The following MARCHF6 variants were observed in gnomAD, a reference collection of about 807,000 sequenced individuals.
The protein encoded by MARCHF6 is E3 ubiquitin-protein ligase MARCHF6.
MARCHF6 carries 31 observed loss-of-function variants against 133.7 expected under a neutral mutation model. That is an observed-to-expected ratio of 0.23 (90% CI 0.17 to 0.31). MARCHF6 has a LOEUF of 0.31. Among genes scored for constraint, MARCHF6 ranks in the 10% least tolerant of loss-of-function variants. The pLI, the probability that MARCHF6 is intolerant of heterozygous loss-of-function variation, is 1.00. For missense variants in MARCHF6, 723 were observed against 1,121.6 expected, an observed-to-expected ratio of 0.64 and a Z score of 5.08; for synonymous variants, 395 against 402.5, an observed-to-expected ratio of 0.98 and a Z score of 0.22.
intron 21 of MARCHF6, among the ~76,000 whole-genome samples, chr5:10,416,235 A>G (rs1019425007): frequency 3.9e-5 from 6 of 152,212 alleles, no homozygotes; most frequent in East Asian, 1.9e-4. Context: ...TTATGTCTGT[A>G]TGTGTGTAAT....
intron 5 of MARCHF6, 126 bp from the exon 6 acceptor site, chr5:10,390,206 A>T (rs774867965): frequency 4.1e-6 from 3 of 737,458 alleles, no homozygotes; most frequent in African/African-American, 1.8e-5. Context: ...CATCCAAAAA[A>T]TTATGATTTA....
chr5:10,397,446 A>C, intron 10 of MARCHF6, 102 bp downstream of exon 10: 1 of 856,904 alleles, frequency 1.2e-6, no homozygotes, highest in Admixed American at 2.7e-5. Flanking sequence ...ACATAGAAAT[A>C]AATACTAAGC....
Position 10,409,095 on chromosome 5 carries a change from A to G in MARCHF6, c.1554-1044A>G, listed in dbSNP as rs540678074. On this transcript the variant is annotated intron_variant, in intron 17 of 25. Transcript: ENST00000274140. The stretch of plus-strand genomic sequence containing the variant: ...TTTGGTCGCCCAAAGTGCTGGGATT[A>G]TAGGTGTGAGCCACTGCGCCCAGCC... 7.0e-3 allele frequency among the ~76,000 whole-genome samples: 1,059 copies of G among 152,272 alleles called. 13 individuals carry two copies. Among genetic ancestry groups the G allele is most frequent in the Non-Finnish European group, 7.3e-3 (500 of 68,032 alleles).
intron 3 of MARCHF6, among the ~76,000 whole-genome samples, chr5:10,381,551 A>G (rs912637403): frequency 6.6e-6 from 1 of 152,186 alleles, no homozygotes; most frequent in Admixed American, 6.5e-5. Flanking sequence ...AAGGGATGTG[A>G]ACATCTATTG....
chr5:10,374,353 G>T lies in MARCHF6; in HGVS notation c.20-3445G>T, dbSNP rs543786142. 3.3e-5 allele frequency among the ~76,000 whole-genome samples: 5 copies of T among 152,254 alleles called. No individual in the cohort carries two copies. In the East Asian group the frequency reaches 9.6e-4, roughly 29 times the overall value. ...GCTTGTTTTTGGATCTTAACGTGCT[G>T]CCGGGGTCCATTGCAAGAAAGTCCA... On this transcript the variant is annotated intron_variant, in intron 1 of 25. Coordinates refer to ENST00000274140, the MANE Select transcript of MARCHF6 (RefSeq NM_005885.4).
intron 14 of MARCHF6, 57 bp from the exon 15 acceptor site, chr5:10,403,350 T>G: frequency 1.3e-6 from 2 of 1,540,326 alleles, no homozygotes; most frequent in South Asian, 2.5e-5. Context: ...GATGAAAATG[T>G]TAACTTGGCA....
At chr5:10,375,096 G>A (rs1295249579) in intron 1 of MARCHF6, among the ~76,000 whole-genome samples, 1 of 152,200 alleles carries the variant, frequency 6.6e-6, no homozygotes, top group Non-Finnish European at 1.5e-5. Context: ...TGCACTGTGG[G>A]AGCCCCTTTC....
In MARCHF6 at chr5:10,435,669, A is replaced by T. The variant is rs568707267; in HGVS notation, c.*1985A>T. On this transcript the variant is annotated 3_prime_UTR_variant, in exon 26 of 26. Transcript: ENST00000274140. ...TATATATATATATATATATATATAT[A>T]TATATATATATATATATATATATAT... The T allele has an allele frequency of 4.5e-4, 3 of 6,620 alleles. No homozygotes were observed. The highest frequency in any genetic ancestry group is 7.4e-4 in the Non-Finnish European group (3 of 4,034). 0.4% of individuals were successfully genotyped at this position (6,620 alleles called of 1,614,324 possible).
At chr5:10,428,490 C>T (rs540138170) in intron 24 of MARCHF6, among the ~76,000 whole-genome samples, 176 of 151,894 alleles carry the variant, frequency 1.2e-3, no homozygotes, top group African/African-American at 3.9e-3. Context: ...TACTGGCATG[C>T]GCCACCATGC....
chr5:10,387,293 C>G (rs917359554), intron 5 of MARCHF6, among the ~76,000 whole-genome samples: 7 of 150,702 alleles, frequency 4.6e-5, no homozygotes, highest in African/African-American at 1.2e-4. Flanking sequence ...GATGGGATGA[C>G]TTTTCTTTCT....
chr5:10,365,049 C>T (rs748102245), intron 1 of MARCHF6, among the ~76,000 whole-genome samples: 15 of 152,070 alleles, frequency 9.9e-5, no homozygotes, highest in Non-Finnish European at 1.9e-4. Flanking sequence ...TTGATCTACC[C>T]ACCTCAGCCT....
Position 10,414,507 on chromosome 5 carries a change from G to A in MARCHF6, c.1966+5G>A. The A allele has an allele frequency of 6.2e-7, 1 of 1,607,546 alleles. No homozygotes were observed. Among genetic ancestry groups the A allele is most frequent in the South Asian group, 1.1e-5 (1 of 90,892 alleles). ...TCATCTGCCTTACTTTACCAGGTATGAGCTTGTGCTAGCCTTCAGCTAATA... is the reference window on the plus strand; with the variant it reads ...TCATCTGCCTTACTTTACCAGGTATAAGCTTGTGCTAGCCTTCAGCTAATA... On this transcript the variant is annotated splice_donor_5th_base_variant and intron_variant, in intron 20 of 25. Transcript: ENST00000274140.
At chr5:10,394,246 T>C in intron 8 of MARCHF6, 103 bp downstream of exon 8, 1 of 598,450 alleles carries the variant, frequency 1.7e-6, no homozygotes, top group South Asian at 4.0e-5. Context: ...TTACAGTTGA[T>C]GAAAAGTTAC....
At chr5:10,389,506 G>A (rs1003164179) in intron 5 of MARCHF6, among the ~76,000 whole-genome samples, 3 of 152,022 alleles carry the variant, frequency 2.0e-5, no homozygotes, top group East Asian at 3.9e-4. Context: ...GGGTTCAAGC[G>A]ATTATCCTGC....
In MARCHF6 at chr5:10,406,257, G is replaced by A. The variant is rs141587401; in HGVS notation, c.1452+580G>A. On this transcript the variant is annotated intron_variant, in intron 16 of 25. Transcript: ENST00000274140. Reference sequence around the variant, plus strand: ...CTGGTATGATTGATTGCTAAATTACGGTTGTCTGAATTACGTTTAATTTGC... The same window carrying A: ...CTGGTATGATTGATTGCTAAATTACAGTTGTCTGAATTACGTTTAATTTGC... Among the ~76,000 whole-genome samples, 5 of 152,180 alleles carry A rather than the reference G, an allele frequency of 3.3e-5. No individual in the cohort carries two copies. The East Asian group carries it at 5.8e-4, about 18-fold the overall frequency.
At chr5:10,356,676 G>A (rs535946737) in intron 1 of MARCHF6, among the ~76,000 whole-genome samples, 4 of 152,222 alleles carry the variant, frequency 2.6e-5, no homozygotes, top group Admixed American at 6.5e-5. Flanking sequence ...GATTACGAGC[G>A]TGAGCTACCG....
Position 10,415,473 on chromosome 5 carries a change from C to A in MARCHF6, c.1967-15C>A. 1 of 1,602,548 alleles carries A rather than the reference C, an allele frequency of 6.2e-7. No individual in the cohort carries two copies. Among genetic ancestry groups the A allele is most frequent in the Non-Finnish European group, 8.5e-7 (1 of 1,171,154 alleles). ...CCTAGCCACATGTCTCATTTATCAG[C>A]TTTTCTATTTTCAGTATTTGCTGGC... On this transcript the variant is annotated splice_polypyrimidine_tract_variant and intron_variant, in intron 20 of 25. Coordinates refer to ENST00000274140, the MANE Select transcript of MARCHF6 (RefSeq NM_005885.4).
intron 4 of MARCHF6, among the ~76,000 whole-genome samples, chr5:10,383,031 A>G (rs531168739): frequency 6.6e-6 from 1 of 152,288 alleles, no homozygotes; most frequent in South Asian, 2.1e-4. Context: ...CAGAGTATAT[A>G]GATAAGATTC....
Position 10,426,404 on chromosome 5 carries a change from C to G in MARCHF6, c.2388C>G (p.Gly796=), listed in dbSNP as rs1235715116. 6 of 1,613,470 alleles carry G rather than the reference C, an allele frequency of 3.7e-6. No individual in the cohort carries two copies. The highest frequency in any genetic ancestry group is 2.2e-5 in the East Asian group (1 of 44,858). Residue 796 remains glycine, a synonymous_variant, in exon 24 of 26, where the codon GGC becomes GGG. Coordinates refer to ENST00000274140, the MANE Select transcript of MARCHF6 (RefSeq NM_005885.4). The part of the protein sequence containing the change: ...KTVIEQVYAN[G]IRNIDLHYIV... ...TAATGTTTCAGGTTTACGCAAATGG[C>G]ATCCGGAACATTGACCTTCACTATA...
Sources: gnomAD v4.1 joint callset for allele counts (sites outside exome capture counted in the v4.1 genomes callset) on GRCh38, gnomAD v4.1.1 for gene constraint, MANE v1.5 for transcripts, NCBI Gene and HGNC (gene_info 2026-07-23, HGNC 2026-07-21) for gene names.